ROBO2: variants seen among roughly 807,000 people sequenced by gnomAD.
ROBO2 encodes roundabout guidance receptor 2, also known as roundabout homolog 2.
ROBO2 carries 53 observed loss-of-function variants against 160.8 expected under a neutral mutation model. The observed-to-expected ratio is 0.33, with a 90% CI of 0.26 to 0.41. The LOEUF (loss-of-function observed/expected upper bound fraction) is 0.41, where lower values mean the gene tolerates loss of function less well. Ranked by LOEUF, ROBO2 falls within the 10% of genes least tolerant of loss-of-function variation. ROBO2 has a pLI of 1.00. For synonymous variants in ROBO2, 664 were observed against 611.7 expected (o/e 1.09, Z -1.26); for missense variants, 1,577 against 1,722.4 (o/e 0.92, Z 1.49).
In ROBO2 at chr3:77,564,939, C is replaced by A; in HGVS notation, c.1683-15C>A. 6.2e-7 allele frequency: 1 copy of A among 1,612,102 alleles called. No individual in the cohort carries two copies. The highest frequency in any genetic ancestry group is 1.1e-5 in the South Asian group (1 of 90,934). On this transcript the variant is annotated splice_polypyrimidine_tract_variant and intron_variant, in intron 11 of 25. Transcript: ENST00000461745. ...AATGACTGTTCTTTAAATGAAATTTCTGTTCGCGTTTCAGCCAATCAGTGA... is the reference window on the plus strand; with the variant it reads ...AATGACTGTTCTTTAAATGAAATTTATGTTCGCGTTTCAGCCAATCAGTGA...
rs1206700917 is a variant in ROBO2 at position 75,939,775 on chromosome 3, G to T, written c.109+2173G>T. Among the ~76,000 whole-genome samples the T allele has an allele frequency of 1.1e-4, 16 of 152,024 alleles. 2 individuals are homozygous for T. The East Asian group carries it at 3.1e-3, about 29-fold the overall frequency. Reference sequence around the variant, plus strand: ...TTAAATATTACCTTTTAACTTTTATGCAATTAAGCAGAATTTAAAAATAAA... The same window carrying T: ...TTAAATATTACCTTTTAACTTTTATTCAATTAAGCAGAATTTAAAAATAAA... On this transcript the variant is annotated intron_variant, in intron 2 of 26. Coordinates refer to the ROBO2 transcript ENST00000487694.
intron 2 of ROBO2, among the ~76,000 whole-genome samples, chr3:76,082,582 G>A (rs893317949): frequency 3.3e-5 from 5 of 152,094 alleles, no homozygotes; most frequent in Admixed American, 6.6e-5. Context: ...AGTAAGAGAG[G>A]AGGGAGTGAC....
intron 2 of ROBO2, among the ~76,000 whole-genome samples, chr3:76,520,039 C>G (rs1456421366): frequency 6.6e-6 from 1 of 152,128 alleles, no homozygotes. Context: ...CTCGTTAGTC[C>G]CTCTCCATGT....
intron 2 of ROBO2, among the ~76,000 whole-genome samples, chr3:77,360,077 A>G (rs2069709193): frequency 6.6e-6 from 1 of 152,182 alleles, no homozygotes; most frequent in South Asian, 2.1e-4. Context: ...CAGCATTGCT[A>G]GGGATGAAAT....
chr3:76,359,089 A>G (rs1251722086), intron 2 of ROBO2, among the ~76,000 whole-genome samples: 2 of 151,870 alleles, frequency 1.3e-5, no homozygotes, highest in East Asian at 3.9e-4. Flanking sequence ...ATGTCCCTAC[A>G]AAGGACATGA....
chr3:76,295,166 A>G (rs1176710581), intron 2 of ROBO2, among the ~76,000 whole-genome samples: 1 of 152,218 alleles, frequency 6.6e-6, no homozygotes. Context: ...TACTCCACCA[A>G]TAACATGACT....
chr3:76,195,971 G>A (rs1052418742), intron 2 of ROBO2, among the ~76,000 whole-genome samples: 1 of 152,100 alleles, frequency 6.6e-6, no homozygotes, highest in African/African-American at 2.4e-5. Flanking sequence ...CCCTCAAGAA[G>A]TTTCCCTTCT....
At chr3:76,339,421 A>T (rs145397077) in intron 2 of ROBO2, among the ~76,000 whole-genome samples, 37 of 152,220 alleles carry the variant, frequency 2.4e-4, no homozygotes, top group African/African-American at 8.4e-4. Flanking sequence ...TAGCAATAAG[A>T]TATATTGGAA....
At chr3:77,246,384 G>A (rs1411673115) in intron 2 of ROBO2, among the ~76,000 whole-genome samples, 1 of 150,036 alleles carries the variant, frequency 6.7e-6, no homozygotes. Context: ...TAAGTATGGA[G>A]GAAGGGAATC....
chr3:76,299,394 A>G (rs1441920105), intron 2 of ROBO2, among the ~76,000 whole-genome samples: 10 of 152,162 alleles, frequency 6.6e-5, no homozygotes. Context: ...ATTAGAACAA[A>G]CACAATAAGG....
intron 2 of ROBO2, among the ~76,000 whole-genome samples, chr3:76,842,720 T>C (rs1163356157): frequency 6.6e-6 from 1 of 152,212 alleles, no homozygotes; most frequent in Non-Finnish European, 1.5e-5. Context: ...TTTTTATTTA[T>C]GTAATTTTCA....
chr3:77,322,752 T>TATATA (rs967770072), intron 2 of ROBO2, among the ~76,000 whole-genome samples: 1 of 139,666 alleles, frequency 7.2e-6, no homozygotes, highest in Non-Finnish European at 1.5e-5. Context: ...TGTTTATTTA[T>TATATA]ATATAATATA....
intron 2 of ROBO2, among the ~76,000 whole-genome samples, chr3:76,509,711 C>A (rs1187813468): frequency 6.6e-6 from 1 of 152,178 alleles, no homozygotes; most frequent in Non-Finnish European, 1.5e-5. Flanking sequence ...ATTATTCCAG[C>A]AAAGCCCAGG....
chr3:77,476,346 A>T (rs920332525), intron 2 of ROBO2, among the ~76,000 whole-genome samples: 1 of 149,144 alleles, frequency 6.7e-6, no homozygotes, highest in Non-Finnish European at 1.5e-5. Context: ...AAACAGCTTG[A>T]TGTGTGCATG....
chr3:76,836,686 C>T (rs2067723420), intron 2 of ROBO2, among the ~76,000 whole-genome samples: 1 of 151,590 alleles, frequency 6.6e-6, no homozygotes. Context: ...TGGGAATTTT[C>T]TAGATATCTA....
At chr3:76,587,762 A>C (rs1041276414) in intron 2 of ROBO2, among the ~76,000 whole-genome samples, 3 of 152,342 alleles carry the variant, frequency 2.0e-5, no homozygotes, top group African/African-American at 7.2e-5. Context: ...TTTCTACATC[A>C]GAAAATATTT....
At chr3:76,741,113 C>T (rs931244105) in intron 2 of ROBO2, among the ~76,000 whole-genome samples, 2 of 151,954 alleles carry the variant, frequency 1.3e-5, no homozygotes, top group Non-Finnish European at 2.9e-5. Context: ...AATCTCATTG[C>T]TTTGGTGGGG....
intron 2 of ROBO2, among the ~76,000 whole-genome samples, chr3:76,498,373 G>T (rs1046170989): frequency 2.0e-5 from 3 of 152,018 alleles, no homozygotes; most frequent in Non-Finnish European, 2.9e-5. Context: ...AAATTCAAAA[G>T]ATGTATTGTA....
intron 2 of ROBO2, among the ~76,000 whole-genome samples, chr3:76,525,082 C>A (rs1172710572): frequency 6.6e-6 from 1 of 151,502 alleles, no homozygotes; most frequent in African/African-American, 2.4e-5. Context: ...GTTTGCTTTT[C>A]TCTGTTAGAC....
Sources: allele counts gnomAD v4.1 joint callset (sites outside exome capture counted in the v4.1 genomes callset), GRCh38; gene constraint gnomAD v4.1.1; transcripts MANE v1.5; gene names NCBI Gene and HGNC (gene_info 2026-07-23, HGNC 2026-07-21).